Variants in PACRGL observed in about 807,000 individuals in gnomAD.
The protein encoded by PACRGL is parkin coregulated like.
A neutral mutation model predicts 34.5 loss-of-function variants in PACRGL; 38 were observed. That is an observed-to-expected ratio of 1.10 (90% CI 0.85 to 1.44). The LOEUF is 1.44. PACRGL is among the 40% of genes most tolerant of loss of function. The pLI is 0.00. For missense variants in PACRGL, 305 were observed against 281.4 expected (o/e 1.08, Z -0.60); for synonymous variants, 128 against 100.1 (o/e 1.28, Z -1.66).
At chr4:20,756,183 AAAG>A (rs1337815295), downstream of PACRGL, among the ~76,000 whole-genome samples, 4 of 151,982 alleles carry the variant, frequency 2.6e-5, no homozygotes, top group Non-Finnish European at 4.4e-5. Context: ...AAAAAAAAAA[AAAG>A]TGTTGGCAAG....
intron 8 of PACRGL, among the ~76,000 whole-genome samples, chr4:20,737,572 G>A (rs1749947866): frequency 6.6e-6 from 1 of 152,152 alleles, no homozygotes; most frequent in South Asian, 2.1e-4. Flanking sequence ...TGCTTTGCAG[G>A]TGGGAAGATG....
At position 20,729,927 on chromosome 4, in the gene PACRGL, A is replaced by G; in HGVS notation, c.*2586A>G. On this transcript the variant is annotated 3_prime_UTR_variant, in exon 9 of 9. Transcript: ENST00000503585. ...TGCAAATTTATAACTGAAAGCTCAA[A>G]TCTTTTGGGGATTGCTTTATATTAA... 1 of 817,822 alleles carries G rather than the reference A, an allele frequency of 1.2e-6. No homozygotes were observed. Among genetic ancestry groups the G allele is most frequent in the Non-Finnish European group, 1.7e-6 (1 of 572,694 alleles). The allele number at this position is 817,822 out of a possible 1,614,324, so 50.7% of individuals were successfully genotyped here. A position where few individuals can be genotyped will look rare whatever the true frequency, so the allele number is the denominator to read the frequency against.
At chr4:20,735,693 T>A (rs1164508632), downstream of PACRGL, among the ~76,000 whole-genome samples, 1 of 151,922 alleles carries the variant, frequency 6.6e-6, no homozygotes, top group Non-Finnish European at 1.5e-5. Context: ...CCCGCCACCA[T>A]GCCTGACTAA....
In PACRGL at chr4:20,740,754, G is replaced by A. The variant is rs138732472; in HGVS notation, c.*57-11811G>A. 1.7e-3 allele frequency among the ~76,000 whole-genome samples: 253 copies of A among 152,196 alleles called. 1 individual carries two copies. The highest frequency in any genetic ancestry group is 3.4e-3 in the Middle Eastern group (1 of 294). On this transcript the variant is annotated intron_variant, in intron 8 of 8. Coordinates refer to the PACRGL transcript ENST00000507634. ...AACCTTAAATGTAAATGGGCTAAACGCACCAATTAAAAGACACAAACTGGC... is the reference window on the plus strand; with the variant it reads ...AACCTTAAATGTAAATGGGCTAAACACACCAATTAAAAGACACAAACTGGC...
chr4:20,696,528 A>T (rs537549990), upstream of PACRGL: 1 of 152,244 alleles, frequency 6.6e-6, no homozygotes, highest in African/African-American at 2.4e-5. Context: ...AGACATTTGT[A>T]AAAGAAATTG....
intron 7 of PACRGL, among the ~76,000 whole-genome samples, chr4:20,719,782 G>A (rs977260993): frequency 5.3e-5 from 8 of 151,844 alleles, no homozygotes; most frequent in African/African-American, 4.9e-5. Context: ...AGTGTGATGT[G>A]GTGCTGAGAA....
chr4:20,700,354 T>G (rs546956441), upstream of PACRGL: 44 of 152,272 alleles, frequency 2.9e-4, no homozygotes, highest in African/African-American at 1.0e-3. Flanking sequence ...AACCCTCTTC[T>G]GGGGCGCCTC....
chr4:20,759,601 G>GC, the PACRGL span, among the ~76,000 whole-genome samples: 1 of 152,022 alleles, frequency 6.6e-6, no homozygotes, highest in Admixed American at 6.6e-5. Flanking sequence ...GGGCCACAGG[G>GC]CAAGGTTAGC....
chr4:20,704,453 T>C lies in PACRGL; in HGVS notation c.-16-13T>C. On this transcript the variant is annotated splice_polypyrimidine_tract_variant and intron_variant, in intron 1 of 8. Coordinates refer to ENST00000503585, the MANE Select transcript of PACRGL (RefSeq NM_001258345.3). Reference sequence around the variant, plus strand: ...CAAATTTTGAAATCAACTTTTTTTTTTTTAAACTGCAGGAGTGAAAGGGAA... The same window carrying C: ...CAAATTTTGAAATCAACTTTTTTTTCTTTAAACTGCAGGAGTGAAAGGGAA... 6.2e-7 allele frequency: 1 copy of C among 1,606,706 alleles called. No individual in the cohort carries two copies. Among genetic ancestry groups the C allele is most frequent in the South Asian group, 1.1e-5 (1 of 89,110 alleles).
chr4:20,744,222 C>A lies in PACRGL; in HGVS notation c.*57-8343C>A, dbSNP rs189457742. Among the ~76,000 whole-genome samples, 33 of 152,282 alleles carry A rather than the reference C, an allele frequency of 2.2e-4. No homozygotes were observed. In the East Asian group the frequency reaches 3.7e-3, roughly 17 times the overall value. ...CTGGTGACTCCTCAAGGAGCTAGAA[C>A]TAGAAATACCATTTGACCCAGCAAT... is the stretch of plus-strand genomic sequence containing the variant. On this transcript the variant is annotated intron_variant, in intron 8 of 8. Transcript: ENST00000507634.
At chr4:20,753,123 A>G (rs770184088), downstream of PACRGL, among the ~76,000 whole-genome samples, 4 of 152,220 alleles carry the variant, frequency 2.6e-5, no homozygotes, top group Non-Finnish European at 4.4e-5. Flanking sequence ...CAAAATTTAC[A>G]GATTCTTAGG....
At chr4:20,713,649 C>CGAG in intron 7 of PACRGL, 110 bp downstream of exon 7, 1 of 801,224 alleles carries the variant, frequency 1.2e-6, no homozygotes, top group Non-Finnish European at 2.0e-6. Context: ...TAAAAATCTC[C>CGAG]CTCTACACAC....
the PACRGL span, among the ~76,000 whole-genome samples, chr4:20,761,385 T>G: frequency 2.6e-5 from 4 of 152,220 alleles, no homozygotes; most frequent in Non-Finnish European, 5.9e-5. Flanking sequence ...CCAAAGGTGG[T>G]ATGTATACAG....
chr4:20,710,355 C>T (rs752296568), intron 5 of PACRGL, among the ~76,000 whole-genome samples: 3 of 152,130 alleles, frequency 2.0e-5, no homozygotes, highest in Non-Finnish European at 2.9e-5. Flanking sequence ...GGAGTCTTAG[C>T]TTCAAGTGAA....
At position 20,709,735 on chromosome 4, in the gene PACRGL, A is replaced by G. The variant is rs1490793402; in HGVS notation, c.328A>G (p.Ser110Gly). ...ATTACAGTGGGAATGTCCTCCTGAA[A>G]GTCTTTCATTTGATCCACTTCTTAT... ...HRLQWECPPE[S>G]LSFDPLLITL... The change falls in exon 5 of 9, where the codon AGT (serine) becomes GGT (glycine). Residue 110 changes from serine to glycine, a missense_variant. Transcript: ENST00000503585. The G allele has an allele frequency of 1.2e-6, 2 of 1,609,728 alleles. No homozygotes were observed. The highest frequency in any genetic ancestry group is 1.7e-5 in the Admixed American group (1 of 59,944).
downstream of PACRGL, among the ~76,000 whole-genome samples, chr4:20,755,056 T>C (rs961937811): frequency 6.6e-6 from 1 of 152,144 alleles, no homozygotes; most frequent in African/African-American, 2.4e-5. Context: ...GACAGTGAAC[T>C]CATTATAATC....
At chr4:20,757,016 A>T (rs1754531848), downstream of PACRGL, among the ~76,000 whole-genome samples, 1 of 151,994 alleles carries the variant, frequency 6.6e-6, no homozygotes, top group Middle Eastern at 3.2e-3. Context: ...TGAGCCTCAC[A>T]TTTGTGCCAA....
At chr4:20,732,907 T>C, downstream of PACRGL, 1 of 618,864 alleles carries the variant, frequency 1.6e-6, no homozygotes, top group Non-Finnish European at 2.8e-6. Flanking sequence ...TTGGATTCTT[T>C]GTTAGACGAC....
At chr4:20,766,173 A>G in the PACRGL span, among the ~76,000 whole-genome samples, 1 of 152,170 alleles carries the variant, frequency 6.6e-6, no homozygotes, top group African/African-American at 2.4e-5. Context: ...ACTCCATTTT[A>G]CAAATGAATG....
Sources: gnomAD v4.1 joint callset for allele counts (sites outside exome capture counted in the v4.1 genomes callset) on GRCh38, gnomAD v4.1.1 for gene constraint, MANE v1.5 for transcripts, NCBI Gene and HGNC (gene_info 2026-07-23, HGNC 2026-07-21) for gene names.